FBLN5: variants seen among roughly 807,000 people sequenced by gnomAD.
The protein encoded by FBLN5 is fibulin 5.
Under a neutral mutation model 61.6 loss-of-function variants are expected in FBLN5, and 24 were observed. That is an observed-to-expected ratio of 0.39 (90% CI 0.28 to 0.55). The LOEUF is 0.55. Among genes scored for constraint, FBLN5 ranks in the 20% least tolerant of loss-of-function variants. The probability of loss-of-function intolerance (pLI) is 0.65; values close to 1 mark genes in which losing one functional copy is unlikely to be tolerated. For missense variants in FBLN5, 470 were observed against 594.1 expected, an observed-to-expected ratio of 0.79 and a Z score of 2.17; for synonymous variants, 213 against 219.8, an observed-to-expected ratio of 0.97 and a Z score of 0.27.
chr14:91,925,968 CTGAG>C (rs1360696049), intron 4 of FBLN5, among the ~76,000 whole-genome samples: 1 of 152,158 alleles, frequency 6.6e-6, no homozygotes, highest in African/African-American at 2.4e-5. Flanking sequence ...TGCTGGGAGA[CTGAG>C]TGAGGAAGGC....
rs372037997 is a variant in FBLN5 at position 91,877,469 on chromosome 14, C to T, written c.1185+18G>A. ...GCCACTGTTACAGATGGCGTCCCCA[C>T]TCCCCACTCCCTCTTACCCGCATGT... is the stretch of plus-strand genomic sequence containing the variant. On this transcript the variant is annotated intron_variant, in intron 10 of 10. Transcript: ENST00000342058. The T allele has an allele frequency of 6.2e-6, 10 of 1,604,078 alleles. No homozygotes were observed. Among genetic ancestry groups the T allele is most frequent in the South Asian group, 1.1e-5 (1 of 90,722 alleles).
intron 4 of FBLN5, among the ~76,000 whole-genome samples, chr14:91,935,316 C>A: frequency 6.6e-6 from 1 of 152,212 alleles, no homozygotes. Flanking sequence ...AGCCGTTCTG[C>A]AAAGGAGGCC....
At chr14:91,937,224 G>A in intron 3 of FBLN5, 23 bp from the exon 4 acceptor site, 2 of 1,613,998 alleles carry the variant, frequency 1.2e-6, no homozygotes, top group Non-Finnish European at 1.7e-6. Context: ...GAAAGGGCGA[G>A]CATTAGTGGC....
intron 4 of FBLN5, among the ~76,000 whole-genome samples, chr14:91,936,170 C>G (rs1287822783): frequency 6.6e-6 from 1 of 152,094 alleles, no homozygotes; most frequent in African/African-American, 2.4e-5. Flanking sequence ...CAAAATGGGA[C>G]AAACAAAAAT....
chr14:91,898,468 C>T (rs190220425), intron 4 of FBLN5, among the ~76,000 whole-genome samples: 158 of 152,176 alleles, frequency 1.0e-3, no homozygotes, highest in Non-Finnish European at 1.8e-3. Context: ...AGTGTTCACA[C>T]GGTGGGCTTT....
At chr14:91,922,314 GTAAATAAA>G (rs3031542) in intron 4 of FBLN5, among the ~76,000 whole-genome samples, 8,204 of 143,490 alleles carry the variant, frequency 0.057, 738 homozygotes, top group African/African-American at 0.19. Flanking sequence ...TAATAATAAA[GTAAATAAA>G]TAAATAAATA....
At chr14:91,936,061 A>T (rs376825178) in intron 4 of FBLN5, among the ~76,000 whole-genome samples, 9 of 152,328 alleles carry the variant, frequency 5.9e-5, no homozygotes, top group Middle Eastern at 6.8e-3. Context: ...TAAATTAACC[A>T]ACACAGCTTC....
At chr14:91,923,661 T>C (rs1333454235) in intron 4 of FBLN5, among the ~76,000 whole-genome samples, 2 of 152,110 alleles carry the variant, frequency 1.3e-5, no homozygotes, top group African/African-American at 4.8e-5. Flanking sequence ...CTGGGACATA[T>C]TGCTCTCATC....
chr14:91,928,413 A>C (rs1464994629), intron 4 of FBLN5, among the ~76,000 whole-genome samples: 1 of 152,194 alleles, frequency 6.6e-6, no homozygotes, highest in Admixed American at 6.5e-5. Flanking sequence ...AATTGCATAA[A>C]ATAAAACTCA....
chr14:91,920,123 C>T (rs542974000), intron 4 of FBLN5, among the ~76,000 whole-genome samples: 70 of 152,324 alleles, frequency 4.6e-4, no homozygotes, highest in Non-Finnish European at 8.7e-4. Context: ...TCCTGGCAAG[C>T]CTTCCCTCCT....
intron 3 of FBLN5, among the ~76,000 whole-genome samples, chr14:91,940,173 C>T (rs564465994): frequency 6.6e-6 from 1 of 152,278 alleles, no homozygotes; most frequent in South Asian, 2.1e-4. Context: ...CCCTTAGAGC[C>T]TCCAGAAGAG....
At chr14:91,883,338 A>G (rs1315238886) in intron 7 of FBLN5, among the ~76,000 whole-genome samples, 1 of 152,130 alleles carries the variant, frequency 6.6e-6, no homozygotes, top group Admixed American at 6.5e-5. Flanking sequence ...CGAGCTTTCA[A>G]CATCTGCCTC....
At chr14:91,931,731 G>C (rs748265304) in intron 4 of FBLN5, among the ~76,000 whole-genome samples, 11 of 152,222 alleles carry the variant, frequency 7.2e-5, no homozygotes, top group Non-Finnish European at 1.6e-4. Flanking sequence ...AGCAAAGCTA[G>C]AACTTGGAAT....
chr14:91,936,534 G>A (rs1016480159), intron 4 of FBLN5, among the ~76,000 whole-genome samples: 3 of 152,152 alleles, frequency 2.0e-5, no homozygotes, highest in East Asian at 1.9e-4. Flanking sequence ...TCAAGGGTGC[G>A]GGGGCTGAGG....
chr14:91,891,668 T>C (rs927202612), intron 5 of FBLN5, among the ~76,000 whole-genome samples: 5 of 152,182 alleles, frequency 3.3e-5, no homozygotes, highest in African/African-American at 1.2e-4. Context: ...GATTCAACAC[T>C]AAGGTTTATC....
At chr14:91,895,130 C>T (rs548520363) in intron 4 of FBLN5, 58 bp from the exon 5 acceptor site, 40 of 1,609,004 alleles carry the variant, frequency 2.5e-5, no homozygotes, top group South Asian at 1.7e-4. Flanking sequence ...GCCCTGGAGC[C>T]ACCAGGGGTG....
chr14:91,879,395 C>T (rs1312531729), intron 9 of FBLN5, among the ~76,000 whole-genome samples: 1 of 152,228 alleles, frequency 6.6e-6, no homozygotes, highest in East Asian at 1.9e-4. Context: ...TTCAGACTGG[C>T]AGGAGCACAG....
chr14:91,940,469 G>A, intron 3 of FBLN5, 96 bp downstream of exon 3: 1 of 1,011,458 alleles, frequency 9.9e-7, no homozygotes, highest in Non-Finnish European at 1.5e-6. Context: ...TCTCCCATGG[G>A]CATGGCTAAT....
At chr14:91,893,582 A>G (rs1890086404) in intron 5 of FBLN5, among the ~76,000 whole-genome samples, 1 of 152,240 alleles carries the variant, frequency 6.6e-6, no homozygotes, top group South Asian at 2.1e-4. Context: ...GTCTTAGAGA[A>G]TTTAAACTGG....
Sources: gnomAD v4.1 joint callset for allele counts (sites outside exome capture counted in the v4.1 genomes callset) on GRCh38, gnomAD v4.1.1 for gene constraint, MANE v1.5 for transcripts, NCBI Gene and HGNC (gene_info 2026-07-23, HGNC 2026-07-21) for gene names.